The following ACSL1 variants were observed in gnomAD, a reference collection of about 807,000 sequenced individuals.
ACSL1 encodes long-chain-fatty-acid--CoA ligase 1.
In ACSL1, 41 loss-of-function variants were observed where a neutral mutation model predicts 98.4. The ratio of observed to expected loss-of-function variants is 0.42; its 90% CI spans 0.32 to 0.54. ACSL1 has a LOEUF of 0.54. Among genes scored for constraint, ACSL1 ranks in the 20% least tolerant of loss-of-function variants. ACSL1 has a pLI of 0.13. For missense variants in ACSL1, 734 were observed against 883.1 expected, an observed-to-expected ratio of 0.83 and a Z score of 2.14; for synonymous variants, 316 against 322.7, an observed-to-expected ratio of 0.98 and a Z score of 0.22.
chr4:184,764,821 A>C (rs2150284317), intron 15 of ACSL1, 32 bp downstream of exon 15: 6 of 1,592,260 alleles, frequency 3.8e-6, no homozygotes, highest in Non-Finnish European at 5.1e-6. Flanking sequence ...ATGAATAACA[A>C]AATTCCAAAA....
intron 1 of ACSL1, among the ~76,000 whole-genome samples, chr4:184,823,058 G>A (rs1223888395): frequency 1.3e-5 from 2 of 152,194 alleles, no homozygotes; most frequent in Non-Finnish European, 2.9e-5. Context: ...ACTGCCTGCA[G>A]CTTCAGATCA....
intron 10 of ACSL1, 110 bp downstream of exon 10, chr4:184,772,971 G>A (rs569496461): frequency 3.6e-5 from 36 of 1,001,516 alleles, no homozygotes; most frequent in Admixed American, 2.2e-4. Context: ...ATGTCACATC[G>A]TTTCTAAATG....
chr4:184,766,656 C>T lies in ACSL1; in HGVS notation c.1229G>A (p.Ser410Asn). The change falls in exon 13 of 21, where the codon AGC (serine) becomes AAC (asparagine). Residue 410 changes from serine (S) to asparagine (N), a missense_variant. By Grantham distance (46) the Ser-to-Asn change is conservative. Transcript: ENST00000281455. The surrounding 1 kb of genome is among the most constrained non-coding windows in gnomAD (Gnocchi z 4.8). The stretch of plus-strand genomic sequence containing the variant: ...GTGGAAGATCAGCCGGTCCCACAGG[C>T]TGTTGTTTCTGATGATGCCGCTGCG... Reference protein sequence around the residue: ...ELRSGIIRNNSLWDRLIFHKV... With the variant: ...ELRSGIIRNNNLWDRLIFHKV... 6.2e-7 allele frequency: 1 copy of T among 1,614,192 alleles called. No individual in the cohort carries two copies. Among genetic ancestry groups the T allele is most frequent in the Non-Finnish European group, 8.5e-7 (1 of 1,180,030 alleles).
At chr4:184,791,233 G>A (rs1768299295) in intron 2 of ACSL1, among the ~76,000 whole-genome samples, 1 of 152,232 alleles carries the variant, frequency 6.6e-6, no homozygotes, top group Admixed American at 6.5e-5. Flanking sequence ...AGTTCCCCTA[G>A]CTGTGAATGG....
Position 184,803,429 on chromosome 4 carries a change from G to T in ACSL1, c.86C>A (p.Thr29Lys), listed in dbSNP as rs753119478. Residue 29 changes from threonine to lysine, a missense_variant, in exon 2 of 21, where the codon ACG (threonine) becomes AAG (lysine). Physicochemically the swap from Thr to Lys is moderately conservative, Grantham distance 78. Coordinates refer to ENST00000281455, the MANE Select transcript of ACSL1 (RefSeq NM_001995.5). The surrounding 1 kb of genome is among the most constrained non-coding windows in gnomAD (Gnocchi z 4.8). ...TGCAAAAGCTCCGAAGCCCATAAGCGTGTTGGTCGGAAGAGTACGCACGTA... is the reference window on the plus strand; with the variant it reads ...TGCAAAAGCTCCGAAGCCCATAAGCTTGTTGGTCGGAAGAGTACGCACGTA... The part of the protein sequence containing the change: ...RQYVRTLPTN[T>K]LMGFGAFAAL... 5 of 1,613,970 alleles carry T rather than the reference G, an allele frequency of 3.1e-6. No individual in the cohort carries two copies. Among genetic ancestry groups the T allele is most frequent in the Non-Finnish European group, 4.2e-6 (5 of 1,179,994 alleles).
At position 184,783,968 on chromosome 4, in the gene ACSL1, G is replaced by A. The variant is rs766703308; in HGVS notation, c.334C>T (p.Arg112Trp). Residue 112 changes from arginine (R) to tryptophan (W), a missense_variant, in exon 4 of 21, where the codon CGG (arginine) becomes TGG (tryptophan). Coordinates refer to ENST00000281455, the MANE Select transcript of ACSL1 (RefSeq NM_001995.5). Reference sequence around the variant, plus strand: ...CATTCATAGGGTTGGTCTGGTTTCCGAGAGCCTAAACAAGGGCCATTATCT... The same window carrying A: ...CATTCATAGGGTTGGTCTGGTTTCCAAGAGCCTAAACAAGGGCCATTATCT... ...VSNNGPCLGS[R>W]KPDQPYEWLS... The A allele has an allele frequency of 3.7e-6, 6 of 1,613,768 alleles. No homozygotes were observed. The highest frequency in any genetic ancestry group is 2.2e-5 in the East Asian group (1 of 44,874).
At chr4:184,823,919 A>T (rs1044122870) in intron 1 of ACSL1, among the ~76,000 whole-genome samples, 1 of 152,228 alleles carries the variant, frequency 6.6e-6, no homozygotes, top group Non-Finnish European at 1.5e-5. Flanking sequence ...GGTGGCTATG[A>T]AAACTCTACC....
In ACSL1 at chr4:184,757,279, A is replaced by G. The variant is rs1376755945; in HGVS notation, c.1957-14T>C. 1 of 1,584,464 alleles carries G rather than the reference A, an allele frequency of 6.3e-7. No individual in the cohort carries two copies. The highest frequency in any genetic ancestry group is 1.3e-5 in the African/African-American group (1 of 74,220). On this transcript the variant is annotated splice_polypyrimidine_tract_variant and intron_variant, in intron 20 of 20. Transcript: ENST00000281455. The surrounding 1 kb of genome is among the most constrained non-coding windows in gnomAD (Gnocchi z 4.5). ...GATGCCTTTGACCTGCCAATAAACA[A>G]GGCAGTTAAAAGAGGAAAAAGGACA...
At position 184,765,967 on chromosome 4, in the gene ACSL1, A is replaced by G. The variant is rs775633337; in HGVS notation, c.1283T>C (p.Val428Ala). 1 of 1,613,372 alleles carries G rather than the reference A, an allele frequency of 6.2e-7. No individual in the cohort carries two copies. The highest frequency in any genetic ancestry group is 8.5e-7 in the Non-Finnish European group (1 of 1,179,784). Residue 428 changes from valine to alanine, a missense_variant, in exon 14 of 21, where the codon GTC (valine) becomes GCC (alanine). Coordinates refer to ENST00000281455, the MANE Select transcript of ACSL1 (RefSeq NM_001995.5). ...HKVQSSLGGRVRLMVTGAAPV... is the reference protein window; with the variant it reads ...HKVQSSLGGRARLMVTGAAPV... Reference sequence around the variant, plus strand: ...GGCGGCTCCTGTCACCATCAGCCGGACTCTTCCGCCCAGGCTCGACTTTCA... The same window carrying G: ...GGCGGCTCCTGTCACCATCAGCCGGGCTCTTCCGCCCAGGCTCGACTTTCA...
chr4:184,804,782 C>T (rs1289660343), intron 1 of ACSL1, among the ~76,000 whole-genome samples: 1 of 152,120 alleles, frequency 6.6e-6, no homozygotes, highest in East Asian at 1.9e-4. Flanking sequence ...TAAGAATGAT[C>T]TCACACACGT....
chr4:184,806,636 T>C lies in ACSL1; in HGVS notation c.-32-3090A>G, dbSNP rs571699325. The stretch of plus-strand genomic sequence containing the variant: ...TTAAGCATCAGCAGTAGCCATGCTA[T>C]AGACTGCTTTACACCAAGAAAGTTT... On this transcript the variant is annotated intron_variant, in intron 1 of 20. Coordinates refer to ENST00000281455, the MANE Select transcript of ACSL1 (RefSeq NM_001995.5). Among the ~76,000 whole-genome samples the C allele has an allele frequency of 3.0e-4, 45 of 152,284 alleles. No homozygotes were observed. In the South Asian group the frequency reaches 8.9e-3, roughly 30 times the overall value.
chr4:184,796,466 G>A (rs764806188), intron 2 of ACSL1, among the ~76,000 whole-genome samples: 9 of 152,188 alleles, frequency 5.9e-5, no homozygotes, highest in Non-Finnish European at 8.8e-5. Context: ...GGAATTCTCT[G>A]AGCACAACGT....
intron 5 of ACSL1, among the ~76,000 whole-genome samples, chr4:184,778,213 G>A (rs994194546): frequency 6.6e-6 from 1 of 152,162 alleles, no homozygotes; most frequent in Non-Finnish European, 1.5e-5. Context: ...ACTGCCTCCG[G>A]CTGCACCTTT....
chr4:184,768,585 ACTT>A, intron 11 of ACSL1, 135 bp from the exon 12 acceptor site: 2 of 1,304,946 alleles, frequency 1.5e-6, no homozygotes, highest in African/African-American at 1.5e-5. Flanking sequence ...AATATAGGTA[ACTT>A]AAAAAAAATG....
At chr4:184,758,101 T>G (rs888285391) in intron 18 of ACSL1, 181 bp from the exon 19 acceptor site, 2 of 575,920 alleles carry the variant, frequency 3.5e-6, no homozygotes, top group African/African-American at 1.9e-5. Flanking sequence ...AACTCCTGGC[T>G]CTAAAATGTG....
intron 2 of ACSL1, among the ~76,000 whole-genome samples, chr4:184,799,911 C>T (rs1770176493): frequency 1.3e-5 from 2 of 152,120 alleles, no homozygotes; most frequent in Admixed American, 1.3e-4. Flanking sequence ...ACTGACTCTT[C>T]ATATTGATCT....
At chr4:184,816,330 G>A (rs959471650) in intron 1 of ACSL1, among the ~76,000 whole-genome samples, 7 of 152,098 alleles carry the variant, frequency 4.6e-5, no homozygotes, top group African/African-American at 1.4e-4. Context: ...TATTGGGAAG[G>A]AGAAGAGAGG....
chr4:184,778,438 CA>C (rs1484980797), intron 5 of ACSL1, among the ~76,000 whole-genome samples: 1 of 152,176 alleles, frequency 6.6e-6, no homozygotes, highest in African/African-American at 2.4e-5. Flanking sequence ...CCTGCCACTC[CA>C]CCACATGAAA....
intron 18 of ACSL1, chr4:184,758,233 C>A: frequency 2.2e-5 from 6 of 274,078 alleles, no homozygotes; most frequent in South Asian, 6.3e-5. Flanking sequence ...GTCAAGTAAA[C>A]AAGGTGATGG....
Sources: allele counts gnomAD v4.1 joint callset (sites outside exome capture counted in the v4.1 genomes callset), GRCh38; gene constraint gnomAD v4.1.1; non-coding constraint Gnocchi (gnomAD v3.1); transcripts MANE v1.5; gene names NCBI Gene and HGNC (gene_info 2026-07-23, HGNC 2026-07-21).